Variants in COL25A1 observed in about 807,000 individuals in gnomAD.
The protein encoded by COL25A1 is collagen alpha-1(XXV) chain.
In COL25A1, 103 loss-of-function variants were observed where a neutral mutation model predicts 128.4. That is an observed-to-expected ratio of 0.80 (90% CI 0.68 to 0.94). The LOEUF (loss-of-function observed/expected upper bound fraction) is 0.94. Ranked by LOEUF, COL25A1 falls within the 40% of genes least tolerant of loss-of-function variation. COL25A1 has a pLI of 0.00. For synonymous variants in COL25A1, 279 were observed against 277.2 expected, an observed-to-expected ratio of 1.01 and a Z score of -0.06; for missense variants, 745 against 840.0, an observed-to-expected ratio of 0.89 and a Z score of 1.40.
intron 3 of COL25A1, among the ~76,000 whole-genome samples, chr4:109,137,984 A>ATATGTGTGTGTGTGTGTGTG (rs547874075): frequency 0.013 from 1,911 of 142,540 alleles, 24 homozygotes; most frequent in Non-Finnish European, 0.019. Flanking sequence ...TTATATATAT[A>ATATGTGTGTGTGTGTGTGTG]TGTGTGTGTG....
intron 13 of COL25A1, among the ~76,000 whole-genome samples, chr4:108,913,027 A>ACT (rs1193374037): frequency 2.0e-5 from 3 of 151,936 alleles, no homozygotes; most frequent in African/African-American, 7.2e-5. Flanking sequence ...ATAACAATAA[A>ACT]CTCTAGAAAG....
chr4:108,888,700 T>C (rs1741103448), intron 18 of COL25A1, among the ~76,000 whole-genome samples: 1 of 152,196 alleles, frequency 6.6e-6, no homozygotes, highest in Non-Finnish European at 1.5e-5. Context: ...TTAGTGTGTA[T>C]AACAACAGTC....
intron 3 of COL25A1, among the ~76,000 whole-genome samples, chr4:109,259,990 C>A (rs775713267): frequency 3.3e-5 from 5 of 152,174 alleles, no homozygotes; most frequent in African/African-American, 1.2e-4. Flanking sequence ...GCGATGCAGG[C>A]GATGCAAACT....
At position 109,277,019 on chromosome 4, in the gene COL25A1, C is replaced by A. The variant is rs115704846; in HGVS notation, c.367+23564G>T. Among the ~76,000 whole-genome samples the A allele has an allele frequency of 7.5e-3, 1,140 of 152,294 alleles. 14 individuals are homozygous for A. Among genetic ancestry groups the A allele is most frequent in the African/African-American group, 0.025 (1,050 of 41,562 alleles). Reference sequence around the variant, plus strand: ...CTACAAGATAAATTTTAGATGCTTTCATATTCATTGCTCCCGCCTGGAACT... The same window carrying A: ...CTACAAGATAAATTTTAGATGCTTTAATATTCATTGCTCCCGCCTGGAACT... On this transcript the variant is annotated intron_variant, in intron 3 of 37. Coordinates refer to ENST00000399132, the MANE Select transcript of COL25A1 (RefSeq NM_198721.4).
At chr4:109,248,791 G>C (rs1289746328) in intron 3 of COL25A1, among the ~76,000 whole-genome samples, 3 of 152,140 alleles carry the variant, frequency 2.0e-5, no homozygotes, top group Non-Finnish European at 1.5e-5. Flanking sequence ...CAGGGACAAA[G>C]CATGATGGTT....
At chr4:109,197,403 TA>T (rs1357891166) in intron 3 of COL25A1, among the ~76,000 whole-genome samples, 1 of 126,558 alleles carries the variant, frequency 7.9e-6, no homozygotes, top group Non-Finnish European at 1.6e-5. Flanking sequence ...CTATTATATA[TA>T]AAATATATAT....
At chr4:108,971,046 G>A (rs930829123) in intron 8 of COL25A1, among the ~76,000 whole-genome samples, 11 of 151,992 alleles carry the variant, frequency 7.2e-5, no homozygotes, top group Non-Finnish European at 1.0e-4. Flanking sequence ...TTGCTCTTCA[G>A]TGTATCCTCC....
chr4:109,051,941 A>G lies in COL25A1; in HGVS notation c.368-1762T>C, dbSNP rs142030425. Among the ~76,000 whole-genome samples, 7 of 152,266 alleles carry G rather than the reference A, an allele frequency of 4.6e-5. No individual in the cohort carries two copies. In the East Asian group the frequency reaches 1.2e-3, roughly 25 times the overall value. On this transcript the variant is annotated intron_variant, in intron 3 of 37. Coordinates refer to ENST00000399132, the MANE Select transcript of COL25A1 (RefSeq NM_198721.4). ...TATTCAAAGATTAAAAAAAAATGTTAGGAAATACCAGAGGGAAATTATAAT... is the reference window on the plus strand; with the variant it reads ...TATTCAAAGATTAAAAAAAAATGTTGGGAAATACCAGAGGGAAATTATAAT...
chr4:109,245,309 G>C (rs573677800), intron 3 of COL25A1, among the ~76,000 whole-genome samples: 1 of 152,160 alleles, frequency 6.6e-6, no homozygotes, highest in Non-Finnish European at 1.5e-5. Context: ...GGTCCTCTGG[G>C]TTGGGACTGG....
In COL25A1 at chr4:108,885,845, G is replaced by A. The variant is rs548746948; in HGVS notation, c.976-1623C>T. Among the ~76,000 whole-genome samples the A allele has an allele frequency of 7.2e-5, 11 of 152,254 alleles. No homozygotes were observed. In the South Asian group the frequency reaches 2.1e-3, roughly 29 times the overall value. On this transcript the variant is annotated intron_variant, in intron 18 of 37. Transcript: ENST00000399132. ...CAGACATTCTATCTGAAACATTTGTGGAAGTATGTAGGTTGTAACATTATT... is the reference window on the plus strand; with the variant it reads ...CAGACATTCTATCTGAAACATTTGTAGAAGTATGTAGGTTGTAACATTATT...
At chr4:108,879,417 G>A (rs1028498628) in intron 19 of COL25A1, among the ~76,000 whole-genome samples, 5 of 151,756 alleles carry the variant, frequency 3.3e-5, no homozygotes, top group Admixed American at 1.3e-4. Context: ...TTCTGAATAT[G>A]GTGAAATAAA....
chr4:108,815,526 G>C (rs1303396072), intron 37 of COL25A1, among the ~76,000 whole-genome samples: 1 of 152,014 alleles, frequency 6.6e-6, no homozygotes, highest in African/African-American at 2.4e-5. Context: ...GTGTGTGTTG[G>C]GTGGGTGTGG....
intron 3 of COL25A1, among the ~76,000 whole-genome samples, chr4:109,297,808 C>T (rs1725117280): frequency 7.0e-6 from 1 of 142,400 alleles, no homozygotes; most frequent in Admixed American, 7.3e-5. Flanking sequence ...ATATACCAGA[C>T]TATTTAGGTA....
chr4:109,054,376 C>T (rs1343267869), intron 3 of COL25A1, among the ~76,000 whole-genome samples: 2 of 152,092 alleles, frequency 1.3e-5, no homozygotes, highest in Non-Finnish European at 2.9e-5. Context: ...CTCACTCCGC[C>T]CCATTTGTAT....
At chr4:109,238,964 G>C (rs1011653123) in intron 3 of COL25A1, among the ~76,000 whole-genome samples, 1 of 151,904 alleles carries the variant, frequency 6.6e-6, no homozygotes, top group African/African-American at 2.4e-5. Context: ...TTTCTGGATG[G>C]GAGTACTGTC....
chr4:108,882,652 G>A (rs922127998), intron 19 of COL25A1, among the ~76,000 whole-genome samples: 1 of 152,112 alleles, frequency 6.6e-6, no homozygotes, highest in African/African-American at 2.4e-5. Context: ...ATTAATTTGT[G>A]AAGTTATTTT....
chr4:109,250,461 T>C (rs894625116), intron 3 of COL25A1, among the ~76,000 whole-genome samples: 8 of 150,302 alleles, frequency 5.3e-5, no homozygotes, highest in African/African-American at 2.0e-4. Context: ...GAAGTTCAAG[T>C]CCCAAGATCT....
chr4:109,284,072 T>A (rs181737467), intron 3 of COL25A1, among the ~76,000 whole-genome samples: 131 of 152,350 alleles, frequency 8.6e-4, no homozygotes, highest in African/African-American at 3.1e-3. Flanking sequence ...TTTAATTTAA[T>A]GTATCTCTGA....
chr4:109,249,779 C>T (rs1780523099), intron 3 of COL25A1, among the ~76,000 whole-genome samples: 1 of 152,124 alleles, frequency 6.6e-6, no homozygotes, highest in Admixed American at 6.5e-5. Context: ...TCCTACTTTC[C>T]TCTATCAACA....
Sources: allele counts gnomAD v4.1 joint callset (sites outside exome capture counted in the v4.1 genomes callset), GRCh38; gene constraint gnomAD v4.1.1; transcripts MANE v1.5; gene names NCBI Gene and HGNC (gene_info 2026-07-23, HGNC 2026-07-21).